NT5M: variants seen among roughly 807,000 people sequenced by gnomAD.
The protein encoded by NT5M is 5',3'-nucleotidase, mitochondrial.
In NT5M, 22 loss-of-function variants were observed where a neutral mutation model predicts 22.2. The ratio of observed to expected loss-of-function variants is 0.99; its 90% CI spans 0.71 to 1.41. The LOEUF (loss-of-function observed/expected upper bound fraction) is 1.41. Ranked by LOEUF, NT5M falls within the 40% of genes most tolerant of loss-of-function variation. The pLI, the probability that NT5M is intolerant of heterozygous loss-of-function variation, is 0.00. For missense variants in NT5M, 322 were observed against 314.8 expected (o/e 1.02, Z -0.17); for synonymous variants, 167 against 133.0 (o/e 1.26, Z -1.76).
intron 2 of NT5M, among the ~76,000 whole-genome samples, chr17:17,314,864 A>G (rs1567883753): frequency 6.6e-6 from 1 of 152,214 alleles, no homozygotes; most frequent in Non-Finnish European, 1.5e-5. Context: ...GCCTCCTCAC[A>G]GAGGCCTTCC....
At chr17:17,341,655 C>G (rs892931788) in intron 3 of NT5M, among the ~76,000 whole-genome samples, 7 of 152,204 alleles carry the variant, frequency 4.6e-5, no homozygotes, top group Admixed American at 3.9e-4. Context: ...GCGCAGTGGC[C>G]ACATAAGTGC....
intron 3 of NT5M, among the ~76,000 whole-genome samples, chr17:17,324,768 G>A (rs762970694): frequency 5.9e-5 from 9 of 152,152 alleles, no homozygotes; most frequent in Non-Finnish European, 7.3e-5. Flanking sequence ...GAACTCCTGG[G>A]CTCAAGTGAT....
chr17:17,304,301 G>T, intron 1 of NT5M: 1 of 592,746 alleles, frequency 1.7e-6, no homozygotes, highest in East Asian at 1.4e-4. Flanking sequence ...CTTTCTGGGG[G>T]TCACACAGTG....
At chr17:17,323,645 T>G (rs1318799846) in intron 3 of NT5M, among the ~76,000 whole-genome samples, 1 of 152,230 alleles carries the variant, frequency 6.6e-6, no homozygotes, top group Admixed American at 6.5e-5. Flanking sequence ...ATTGAGACCT[T>G]TCTGGAAATT....
chr17:17,344,520 G>T (rs2049716344), intron 3 of NT5M, among the ~76,000 whole-genome samples: 1 of 152,166 alleles, frequency 6.6e-6, no homozygotes, highest in African/African-American at 2.4e-5. Context: ...GTGTTCGCTG[G>T]GTGTGAAGAG....
rs373212662 is a variant in NT5M at position 17,344,839 on chromosome 17, A to C, written c.475A>C (p.Ile159Leu). Residue 159 changes from isoleucine (I) to leucine (L), a missense_variant, in exon 4 of 5, where the codon ATT becomes CTT. Physicochemically the swap from Ile to Leu is conservative, Grantham distance 5. Coordinates refer to ENST00000389022, the MANE Select transcript of NT5M (RefSeq NM_020201.4). ...KYFGPDFLEQIVLTRDKTVVS... is the reference protein window; with the variant it reads ...KYFGPDFLEQLVLTRDKTVVS... The stretch of plus-strand genomic sequence containing the variant: ...CTTTGGCCCTGACTTTCTGGAGCAG[A>C]TTGTGCTGACCAGAGACAAGACCGT... The C allele has an allele frequency of 6.2e-7, 1 of 1,614,168 alleles. No individual in the cohort carries two copies. Among genetic ancestry groups the C allele is most frequent in the African/African-American group, 1.3e-5 (1 of 75,052 alleles).
At chr17:17,315,259 A>G (rs1030834735) in intron 2 of NT5M, among the ~76,000 whole-genome samples, 3 of 152,206 alleles carry the variant, frequency 2.0e-5, no homozygotes, top group Admixed American at 1.3e-4. Context: ...TCATGGGTTC[A>G]TTAAACAGAT....
rs145386590 is a variant in NT5M, at chr17:17,316,030, C to T, written c.369-7155C>T. On this transcript the variant is annotated intron_variant, in intron 2 of 4. Transcript: ENST00000389022. ...TTGGCCTCCCAAAGTGCTGGGATTA[C>T]AGGCATGAGCCACCATGCCCGGCCT... Among the ~76,000 whole-genome samples the T allele has an allele frequency of 1.6e-4, 25 of 151,718 alleles. 1 individual carries two copies. The highest frequency in any genetic ancestry group is 9.2e-4 in the Admixed American group (14 of 15,220).
At chr17:17,314,194 C>T (rs111738456) in intron 2 of NT5M, among the ~76,000 whole-genome samples, 1,785 of 152,110 alleles carry the variant, frequency 0.012, 42 homozygotes, top group African/African-American at 0.039. Context: ...CCACCACGCC[C>T]GGCTAATTTT....
Position 17,303,400 on chromosome 17 carries a change from C to T in NT5M, c.-151C>T. On this transcript the variant is annotated 5_prime_UTR_variant, in exon 1 of 5. Transcript: ENST00000389022. ...TCTGGGGCCGGTACTTGCGCGCCCG[C>T]ACCCCGCGCTCCCCGCCCCGCTCCC... 5.4e-6 allele frequency: 5 copies of T among 927,010 alleles called. No homozygotes were observed. The highest frequency in any genetic ancestry group is 6.5e-6 in the Non-Finnish European group (5 of 774,472). The allele number at this position is 927,010 out of a possible 1,614,324, so 57.4% of individuals were successfully genotyped here. A position where few individuals can be genotyped will look rare whatever the true frequency, so the allele number is the denominator to read the frequency against.
At chr17:17,305,240 T>C (rs2145307048) in intron 1 of NT5M, among the ~76,000 whole-genome samples, 1 of 152,146 alleles carries the variant, frequency 6.6e-6, no homozygotes, top group East Asian at 1.9e-4. Context: ...GGTTACTGGT[T>C]TCCAAGCACA....
intron 2 of NT5M, among the ~76,000 whole-genome samples, chr17:17,311,657 A>G (rs2048925065): frequency 6.6e-6 from 1 of 152,258 alleles, no homozygotes; most frequent in Non-Finnish European, 1.5e-5. Flanking sequence ...ATTGTGTCAT[A>G]TAAATGCCTC....
intron 2 of NT5M, among the ~76,000 whole-genome samples, chr17:17,317,781 A>G (rs951960510): frequency 1.3e-5 from 2 of 152,028 alleles, no homozygotes; most frequent in African/African-American, 2.4e-5. Context: ...CCTGGCCAAC[A>G]TGATGAAATC....
intron 4 of NT5M, 102 bp downstream of exon 4, chr17:17,345,010 C>T: frequency 6.6e-7 from 1 of 1,518,144 alleles, no homozygotes; most frequent in Non-Finnish European, 8.9e-7. Flanking sequence ...CCCACTTAGT[C>T]ACCAGCTGTT....
chr17:17,344,970 C>T (rs2049727813), intron 4 of NT5M, 62 bp downstream of exon 4: 2 of 1,605,928 alleles, frequency 1.2e-6, no homozygotes, highest in Non-Finnish European at 1.7e-6. Context: ...CCCCCTTCTC[C>T]TGGGCAGTGA....
chr17:17,322,641 T>G (rs571222128), intron 2 of NT5M, among the ~76,000 whole-genome samples: 13 of 152,254 alleles, frequency 8.5e-5, no homozygotes, highest in African/African-American at 2.9e-4. Context: ...CATGAGGGTG[T>G]TTGGGACCAG....
chr17:17,303,583 G>A lies in NT5M; in HGVS notation c.33G>A (p.Arg11=). 8.5e-7 allele frequency: 1 copy of A among 1,169,616 alleles called. No homozygotes were observed. The highest frequency in any genetic ancestry group is 1.1e-6 in the Non-Finnish European group (1 of 944,730). 72.5% of individuals were successfully genotyped at this position (1,169,616 alleles called of 1,614,324 possible). Residue 11 remains arginine, a synonymous_variant, in exon 1 of 5, where the codon CGG becomes CGA. Coordinates refer to ENST00000389022, the MANE Select transcript of NT5M (RefSeq NM_020201.4). ...GGCTGGGCGGCTGGTGTGCGCGGCG[G>A]CTCTGCAGCGCGGCGGTTCCCGCGG... The part of the protein sequence containing the change: MIRLGGWCAR[R]LCSAAVPAGR...
At chr17:17,311,919 C>T (rs764714697) in intron 2 of NT5M, among the ~76,000 whole-genome samples, 17 of 152,212 alleles carry the variant, frequency 1.1e-4, no homozygotes, top group Admixed American at 7.9e-4. Context: ...AAACCCTGCT[C>T]GTGGCCTGGA....
At chr17:17,309,913 C>T (rs2048890152) in intron 2 of NT5M, among the ~76,000 whole-genome samples, 1 of 151,716 alleles carries the variant, frequency 6.6e-6, no homozygotes, top group African/African-American at 2.4e-5. Context: ...CAACCTCTGC[C>T]TCCTGGGTTC....
Sources: gnomAD v4.1 joint callset for allele counts (sites outside exome capture counted in the v4.1 genomes callset) on GRCh38, gnomAD v4.1.1 for gene constraint, MANE v1.5 for transcripts, NCBI Gene and HGNC (gene_info 2026-07-23, HGNC 2026-07-21) for gene names.